Variants in SRGAP1 observed in about 807,000 individuals in gnomAD.
SRGAP1 encodes SLIT-ROBO Rho GTPase-activating protein 1.
In SRGAP1, 43 loss-of-function variants were observed where a neutral mutation model predicts 121.9. The observed-to-expected ratio is 0.35, with a 90% confidence interval of 0.28 to 0.46. The LOEUF (loss-of-function observed/expected upper bound fraction) is 0.46. SRGAP1 is among the 20% of genes least tolerant of loss of function. The pLI, the probability that SRGAP1 is intolerant of heterozygous loss-of-function variation, is 1.00. For synonymous variants in SRGAP1, 447 were observed against 485.4 expected (o/e 0.92, Z 1.04); for missense variants, 1,102 against 1,350.9 (o/e 0.82, Z 2.89).
At chr12:63,961,437 A>G (rs1389932993) in intron 1 of SRGAP1, among the ~76,000 whole-genome samples, 2 of 152,194 alleles carry the variant, frequency 1.3e-5, no homozygotes, top group East Asian at 3.9e-4. Flanking sequence ...TGCCTGGAGC[A>G]GAGGCCAGGC....
chr12:64,005,983 C>T (rs1402929225), intron 3 of SRGAP1, among the ~76,000 whole-genome samples: 1 of 152,152 alleles, frequency 6.6e-6, no homozygotes, highest in Non-Finnish European at 1.5e-5. Context: ...CTGGTACCCC[C>T]ATAGGAACTT....
intron 10 of SRGAP1, chr12:64,081,082 C>A (rs2035829360): frequency 6.6e-6 from 1 of 152,228 alleles, no homozygotes; most frequent in African/African-American, 2.4e-5. Flanking sequence ...TAATGTTTCT[C>A]TTTGTCTTTA....
chr12:63,959,093 C>T (rs542362680), intron 1 of SRGAP1, among the ~76,000 whole-genome samples: 3 of 152,104 alleles, frequency 2.0e-5, no homozygotes, highest in Non-Finnish European at 4.4e-5. Flanking sequence ...AAAACATGAC[C>T]CTAGCAAGAC....
chr12:63,924,990 A>G (rs896929459), intron 1 of SRGAP1, among the ~76,000 whole-genome samples: 1 of 152,010 alleles, frequency 6.6e-6, no homozygotes, highest in Non-Finnish European at 1.5e-5. Context: ...GTTGGAGGCT[A>G]TTTATGGCTC....
intron 1 of SRGAP1, among the ~76,000 whole-genome samples, chr12:63,941,022 T>C (rs1246577734): frequency 6.6e-6 from 1 of 152,190 alleles, no homozygotes; most frequent in Non-Finnish European, 1.5e-5. Context: ...TGTCAGAAAC[T>C]TAATGGCTTC....
chr12:63,971,717 C>T (rs1283896405), intron 1 of SRGAP1, among the ~76,000 whole-genome samples: 2 of 151,782 alleles, frequency 1.3e-5, no homozygotes, highest in Non-Finnish European at 2.9e-5. Flanking sequence ...TTGCTAAGGC[C>T]TGAAAAATCT....
rs544175914 is a variant in SRGAP1, at chr12:64,116,351, C to T, written c.2224+458C>T. On this transcript the variant is annotated intron_variant, in intron 18 of 21. Transcript: ENST00000355086. ...TTACAATGAAAACCAATGAAACCAC[C>T]ACCAAGCTTAAGAAAAAAAGACTTA... Among the ~76,000 whole-genome samples, 76 of 151,340 alleles carry T rather than the reference C, an allele frequency of 5.0e-4. 2 individuals are homozygous for T. Among genetic ancestry groups the T allele is most frequent in the South Asian group, 8.4e-4 (4 of 4,760 alleles).
chr12:64,099,132 G>C (rs2036215624), intron 15 of SRGAP1, among the ~76,000 whole-genome samples: 1 of 152,226 alleles, frequency 6.6e-6, no homozygotes, highest in Admixed American at 6.5e-5. Context: ...GCCTACTTCA[G>C]ATCCTAGCTC....
At chr12:63,898,581 A>G (rs1401757751) in intron 1 of SRGAP1, among the ~76,000 whole-genome samples, 2 of 152,172 alleles carry the variant, frequency 1.3e-5, no homozygotes, top group African/African-American at 2.4e-5. Context: ...GACTTTTAGG[A>G]GATTTACATT....
At chr12:63,942,400 A>G (rs2031900747) in intron 1 of SRGAP1, among the ~76,000 whole-genome samples, 1 of 152,172 alleles carries the variant, frequency 6.6e-6, no homozygotes, top group African/African-American at 2.4e-5. Flanking sequence ...AAATATGTTT[A>G]TTACCCTTTA....
At chr12:64,066,423 A>G (rs771782944) in intron 8 of SRGAP1, among the ~76,000 whole-genome samples, 43 of 152,218 alleles carry the variant, frequency 2.8e-4, no homozygotes, top group Admixed American at 5.9e-4. Flanking sequence ...TGAGAATTCC[A>G]ACAGAAATAG....
chr12:63,955,509 C>A (rs535719546), intron 1 of SRGAP1, among the ~76,000 whole-genome samples: 77 of 152,012 alleles, frequency 5.1e-4, no homozygotes, highest in African/African-American at 1.6e-3. Flanking sequence ...CATGCCAGTT[C>A]TTTGTAAAGG....
At chr12:64,013,534 G>A (rs1002252669) in intron 3 of SRGAP1, among the ~76,000 whole-genome samples, 4 of 152,344 alleles carry the variant, frequency 2.6e-5, no homozygotes, top group Admixed American at 6.5e-5. Context: ...CAAACAGGCA[G>A]AAACTTTGGT....
intron 4 of SRGAP1, chr12:64,032,477 GA>G: frequency 9.9e-7 from 1 of 1,011,738 alleles, no homozygotes; most frequent in Non-Finnish European, 1.5e-6. Flanking sequence ...TTGTGGGTCA[GA>G]AGAGAACTGG....
chr12:64,029,158 G>T (rs542475031), intron 4 of SRGAP1, among the ~76,000 whole-genome samples: 2 of 152,138 alleles, frequency 1.3e-5, no homozygotes, highest in African/African-American at 2.4e-5. Flanking sequence ...TTCTTTCCGG[G>T]TCGCTGCCAG....
chr12:63,993,300 C>G (rs764674726), intron 3 of SRGAP1, among the ~76,000 whole-genome samples: 1 of 152,092 alleles, frequency 6.6e-6, no homozygotes, highest in Non-Finnish European at 1.5e-5. Context: ...ATACAAATTA[C>G]TCCCACATGC....
At chr12:63,849,764 A>G (rs1899014586) in intron 1 of SRGAP1, among the ~76,000 whole-genome samples, 1 of 152,192 alleles carries the variant, frequency 6.6e-6, no homozygotes, top group Non-Finnish European at 1.5e-5. Context: ...TTTTTTCTCC[A>G]ACCCACTCAT....
chr12:63,887,437 A>C (rs555635866), intron 1 of SRGAP1: 1 of 152,226 alleles, frequency 6.6e-6, no homozygotes, highest in Non-Finnish European at 1.5e-5. Flanking sequence ...ATTTGGATCC[A>C]CTGGAAACAC....
intron 15 of SRGAP1, among the ~76,000 whole-genome samples, chr12:64,107,955 A>G (rs2036371927): frequency 6.6e-6 from 1 of 152,166 alleles, no homozygotes; most frequent in Non-Finnish European, 1.5e-5. Context: ...AAACAGACTT[A>G]TGAAACAGGA....
Sources: gnomAD v4.1 joint callset for allele counts (sites outside exome capture counted in the v4.1 genomes callset) on GRCh38, gnomAD v4.1.1 for gene constraint, MANE v1.5 for transcripts, NCBI Gene and HGNC (gene_info 2026-07-23, HGNC 2026-07-21) for gene names.